Variants in VLDLR observed in about 807,000 individuals in gnomAD.
The protein encoded by VLDLR is very low-density lipoprotein receptor.
In VLDLR, 81 loss-of-function variants were observed where a neutral mutation model predicts 112.7. The ratio of observed to expected loss-of-function variants is 0.72; its 90% CI spans 0.60 to 0.86. The LOEUF (loss-of-function observed/expected upper bound fraction) is 0.86, where lower values mean the gene tolerates loss of function less well. Among genes scored for constraint, VLDLR ranks in the 40% least tolerant of loss-of-function variants. The pLI is 0.00. For synonymous variants in VLDLR, 436 were observed against 384.8 expected (o/e 1.13, Z -1.56); for missense variants, 1,237 against 1,099.4 (o/e 1.13, Z -1.77).
Position 2,627,417 on chromosome 9 carries a change from G to A in VLDLR, c.82+5146G>A, listed in dbSNP as rs143232722. Reference sequence around the variant, plus strand: ...CATGTCAGAAGTAAAATCTGCGTCTGATATATCACACTCAACTTTACCAGT... The same window carrying A: ...CATGTCAGAAGTAAAATCTGCGTCTAATATATCACACTCAACTTTACCAGT... On this transcript the variant is annotated intron_variant, in intron 1 of 18. Transcript: ENST00000382100. Among the ~76,000 whole-genome samples the A allele has an allele frequency of 2.6e-5, 4 of 152,266 alleles. No homozygotes were observed. The East Asian group carries it at 7.7e-4, about 29-fold the overall frequency.
chr9:2,658,822 C>T lies in VLDLR; in HGVS notation c.*4954C>T, dbSNP rs923395114. Reference sequence around the variant, plus strand: ...CTTTACCGGTGAAAGTCACAGGTACCTTTATCTATGATGAATGTAATGTGT... The same window carrying T: ...CTTTACCGGTGAAAGTCACAGGTACTTTTATCTATGATGAATGTAATGTGT... On this transcript the variant is annotated 3_prime_UTR_variant, in exon 19 of 19. Coordinates refer to ENST00000382100, the MANE Select transcript of VLDLR (RefSeq NM_003383.5). 1 of 152,130 alleles carries T rather than the reference C, an allele frequency of 6.6e-6. No individual in the cohort carries two copies. Among genetic ancestry groups the T allele is most frequent in the Non-Finnish European group, 1.5e-5 (1 of 68,024 alleles). 9.4% of individuals were successfully genotyped at this position (152,130 alleles called of 1,614,324 possible). A position where few individuals can be genotyped will look rare whatever the true frequency, so the allele number is the denominator to read the frequency against.
At chr9:2,626,624 T>C (rs144639387) in intron 1 of VLDLR, among the ~76,000 whole-genome samples, 1 of 152,334 alleles carries the variant, frequency 6.6e-6, no homozygotes, top group African/African-American at 2.4e-5. Flanking sequence ...GCCTACTTTG[T>C]AGTTTAGAGA....
In VLDLR at chr9:2,654,575, A is replaced by G. The variant is rs1215315934; in HGVS notation, c.*707A>G. 6.5e-6 allele frequency: 1 copy of G among 153,200 alleles called. No homozygotes were observed. Among genetic ancestry groups the G allele is most frequent in the African/African-American group, 2.4e-5 (1 of 41,458 alleles). 9.5% of individuals were successfully genotyped at this position (153,200 alleles called of 1,614,324 possible). A position where few individuals can be genotyped will look rare whatever the true frequency, so the allele number is the denominator to read the frequency against. Reference sequence around the variant, plus strand: ...TGTGAGCTGTAGTTCTTGATGTTGTATAACTAAGCCTGTAATTGGGCTGGT... The same window carrying G: ...TGTGAGCTGTAGTTCTTGATGTTGTGTAACTAAGCCTGTAATTGGGCTGGT... On this transcript the variant is annotated 3_prime_UTR_variant, in exon 19 of 19. Coordinates refer to ENST00000382100, the MANE Select transcript of VLDLR (RefSeq NM_003383.5).
intron 5 of VLDLR, 48 bp from the exon 6 acceptor site, chr9:2,643,580 C>T: frequency 6.2e-7 from 1 of 1,614,238 alleles, no homozygotes; most frequent in African/African-American, 1.3e-5. Context: ...CCTGTATCAA[C>T]TGGGACAATT....
intron 3 of VLDLR, 24 bp downstream of exon 3, chr9:2,640,005 T>A: frequency 6.2e-7 from 1 of 1,614,206 alleles, no homozygotes; most frequent in Non-Finnish European, 8.5e-7. Flanking sequence ...GCTTTGGCCT[T>A]GAACTTTGCC....
chr9:2,636,643 C>T (rs1817608127), intron 2 of VLDLR, among the ~76,000 whole-genome samples: 1 of 152,202 alleles, frequency 6.6e-6, no homozygotes, highest in African/African-American at 2.4e-5. Context: ...AACTTACATC[C>T]AGTCTCAGGA....
chr9:2,650,124 C>T (rs559771332), intron 14 of VLDLR, among the ~76,000 whole-genome samples: 2 of 152,292 alleles, frequency 1.3e-5, no homozygotes, highest in Non-Finnish European at 2.9e-5. Flanking sequence ...CTTTTGGCAT[C>T]TGTCTCTTAA....
In VLDLR at chr9:2,644,153, GT is replaced by G. The variant is rs59793046; in HGVS notation, c.1066+216del. ...CTAGTTTATAGTTTTTGTTTTTGTT[GT>G]TTTTTTTTTTTTTTTTTTTTTGAGA... On this transcript the variant is annotated intron_variant, in intron 7 of 18. Coordinates refer to ENST00000382100, the MANE Select transcript of VLDLR (RefSeq NM_003383.5). Among the ~76,000 whole-genome samples, 2,617 of 96,416 alleles carry G rather than the reference GT, an allele frequency of 0.027. 28 individuals are homozygous for G. Among genetic ancestry groups the G allele is most frequent in the African/African-American group, 0.073 (1,609 of 22,152 alleles). The allele number at this position is 96,416 out of a possible 152,430, so 63.3% of individuals were successfully genotyped here. A position where few individuals can be genotyped will look rare whatever the true frequency, so the allele number is the denominator to read the frequency against.
Position 2,643,937 on chromosome 9 carries a change from T to C in VLDLR, c.1044T>C (p.Ser348=). ...AGGAGCAGGACTGCAGGGACTGGAGTGATGAGCCCCTGAAAGAGTGTCGTA... is the reference window on the plus strand; with the variant it reads ...AGGAGCAGGACTGCAGGGACTGGAGCGATGAGCCCCTGAAAGAGTGTCGTA... ...CNQEQDCRDW[S]DEPLKECHIN... Residue 348 remains serine (S), a synonymous_variant, in exon 7 of 19, where the codon AGT becomes AGC. Coordinates refer to ENST00000382100, the MANE Select transcript of VLDLR (RefSeq NM_003383.5). 6.2e-7 allele frequency: 1 copy of C among 1,613,812 alleles called. No individual in the cohort carries two copies. The highest frequency in any genetic ancestry group is 8.5e-7 in the Non-Finnish European group (1 of 1,179,974).
At chr9:2,624,090 A>C (rs891222918) in intron 1 of VLDLR, among the ~76,000 whole-genome samples, 2 of 152,220 alleles carry the variant, frequency 1.3e-5, no homozygotes, top group Non-Finnish European at 1.5e-5. Flanking sequence ...ATAGAATGCT[A>C]GGAATGCACC....
At chr9:2,653,805 C>G (rs1818468341) in intron 18 of VLDLR, 28 bp from the exon 19 acceptor site, 2 of 1,613,622 alleles carry the variant, frequency 1.2e-6, no homozygotes, top group Non-Finnish European at 1.7e-6. Flanking sequence ...GATCACCAAG[C>G]TCATTCTATA....
intron 1 of VLDLR, among the ~76,000 whole-genome samples, chr9:2,631,402 G>A (rs529623241): frequency 1.3e-5 from 2 of 152,228 alleles, no homozygotes; most frequent in African/African-American, 4.8e-5. Flanking sequence ...CAAAGATACA[G>A]AATCAACCTA....
chr9:2,650,003 A>C (rs1380741233), intron 14 of VLDLR, among the ~76,000 whole-genome samples: 1 of 152,192 alleles, frequency 6.6e-6, no homozygotes, highest in African/African-American at 2.4e-5. Flanking sequence ...GGAGCAAGTC[A>C]AGAGAAAACC....
rs1818742277 is a variant in VLDLR, at chr9:2,660,012, T to TA, written c.*6145dup. On this transcript the variant is annotated 3_prime_UTR_variant, in exon 19 of 19. Transcript: ENST00000382100. ...GATGACCTGTCAATAAACTTTTTTT[T>TA]ACTAATGAACTGTACATTTAAATAA... 6.6e-6 allele frequency: 1 copy of TA among 152,124 alleles called. No individual in the cohort carries two copies. Among genetic ancestry groups the TA allele is most frequent in the African/African-American group, 2.4e-5 (1 of 41,386 alleles). The allele number at this position is 152,124 out of a possible 1,614,324, so 9.4% of individuals were successfully genotyped here. A position where few individuals can be genotyped will look rare whatever the true frequency, so the allele number is the denominator to read the frequency against.
chr9:2,623,354 A>T (rs1016009432), intron 1 of VLDLR, among the ~76,000 whole-genome samples: 4 of 152,232 alleles, frequency 2.6e-5, no homozygotes, highest in African/African-American at 7.2e-5. Context: ...AGTGATCTTC[A>T]GATGTGACGC....
intron 1 of VLDLR, among the ~76,000 whole-genome samples, chr9:2,629,663 T>C (rs1378458381): frequency 6.6e-6 from 1 of 152,246 alleles, no homozygotes; most frequent in Non-Finnish European, 1.5e-5. Context: ...ATTCTTAAGA[T>C]CAATTTGATG....
intron 4 of VLDLR, 45 bp downstream of exon 4, chr9:2,641,544 C>T (rs2130788250): frequency 6.2e-7 from 1 of 1,612,622 alleles, no homozygotes; most frequent in East Asian, 2.2e-5. Flanking sequence ...GACCCTTTTC[C>T]TAAAGGAAGG....
intron 18 of VLDLR, among the ~76,000 whole-genome samples, chr9:2,653,624 T>G (rs1818457622): frequency 6.6e-6 from 1 of 152,246 alleles, no homozygotes; most frequent in African/African-American, 2.4e-5. Context: ...TTAGTCACAC[T>G]ATCTTATCTC....
intron 3 of VLDLR, 52 bp from the exon 4 acceptor site, chr9:2,641,325 G>C (rs1817812981): frequency 6.2e-7 from 1 of 1,612,786 alleles, no homozygotes; most frequent in African/African-American, 1.3e-5. Flanking sequence ...AGGAGCAGCA[G>C]CTTTGCATTG....
Sources: allele counts gnomAD v4.1 joint callset (sites outside exome capture counted in the v4.1 genomes callset), GRCh38; gene constraint gnomAD v4.1.1; transcripts MANE v1.5; gene names NCBI Gene and HGNC (gene_info 2026-07-23, HGNC 2026-07-21).